MYO5B: variants seen among roughly 807,000 people sequenced by gnomAD.
The protein encoded by MYO5B is unconventional myosin-Vb.
A neutral mutation model predicts 229.3 loss-of-function variants in MYO5B; 143 were observed. The observed-to-expected ratio is 0.62, with a 90% CI of 0.54 to 0.72. MYO5B has a LOEUF of 0.72. Ranked by LOEUF, MYO5B falls within the 30% of genes least tolerant of loss-of-function variation. The pLI is 0.00. For synonymous variants in MYO5B, 918 were observed against 885.2 expected (o/e 1.04, Z -0.66); for missense variants, 2,321 against 2,331.0 (o/e 1.00, Z 0.09).
At chr18:49,916,815 C>A (rs4939916) in intron 17 of MYO5B, among the ~76,000 whole-genome samples, 53,980 of 152,104 alleles carry the variant, frequency 0.35, 11,650 homozygotes, top group Middle Eastern at 0.54. Flanking sequence ...ATTCTCCTTT[C>A]GGTGGATTTC....
At chr18:49,995,918 A>C (rs1000188267) in intron 5 of MYO5B, among the ~76,000 whole-genome samples, 3 of 152,232 alleles carry the variant, frequency 2.0e-5, no homozygotes, top group Non-Finnish European at 4.4e-5. Context: ...GCAGCCTCTA[A>C]ATTTTACTAT....
At chr18:50,050,695 G>A (rs2030367866) in intron 2 of MYO5B, among the ~76,000 whole-genome samples, 1 of 152,166 alleles carries the variant, frequency 6.6e-6, no homozygotes, top group Non-Finnish European at 1.5e-5. Context: ...ACCTTGTCCT[G>A]TGATTCTGAA....
intron 1 of MYO5B, among the ~76,000 whole-genome samples, chr18:50,079,401 T>A (rs1331449532): frequency 1.3e-5 from 2 of 152,128 alleles, no homozygotes; most frequent in African/African-American, 4.8e-5. Flanking sequence ...TCTCCAGGTA[T>A]CAGAAGATGG....
At chr18:50,144,328 C>T (rs1389731302) in intron 1 of MYO5B, among the ~76,000 whole-genome samples, 2 of 152,210 alleles carry the variant, frequency 1.3e-5, no homozygotes, top group Non-Finnish European at 2.9e-5. Flanking sequence ...CAACTCAAGA[C>T]TGCCTTGTAT....
At chr18:50,047,070 A>G (rs905109949) in intron 2 of MYO5B, among the ~76,000 whole-genome samples, 1 of 152,214 alleles carries the variant, frequency 6.6e-6, no homozygotes, top group Non-Finnish European at 1.5e-5. Flanking sequence ...AATGGCAACA[A>G]AAGCCAAAAT....
chr18:50,082,171 G>GA (rs2144471891), intron 1 of MYO5B, among the ~76,000 whole-genome samples: 1 of 152,320 alleles, frequency 6.6e-6, no homozygotes, highest in South Asian at 2.1e-4. Flanking sequence ...AGGGCTGGAG[G>GA]AGAGTTGGAG....
chr18:50,132,376 T>C (rs963144413), intron 1 of MYO5B, among the ~76,000 whole-genome samples: 3 of 152,206 alleles, frequency 2.0e-5, no homozygotes, highest in Non-Finnish European at 4.4e-5. Context: ...TTATGTAAAG[T>C]TGAGGTAGTA....
At chr18:49,900,908 C>G (rs2024833489) in intron 21 of MYO5B, among the ~76,000 whole-genome samples, 1 of 152,186 alleles carries the variant, frequency 6.6e-6, no homozygotes, top group Non-Finnish European at 1.5e-5. Flanking sequence ...GGTTAAAAAA[C>G]CCGCAATGCC....
intron 1 of MYO5B, among the ~76,000 whole-genome samples, chr18:50,130,317 T>C (rs79698904): frequency 0.026 from 3,995 of 152,308 alleles, 70 homozygotes; most frequent in South Asian, 0.055. Flanking sequence ...CATCAGGACT[T>C]ATAATTAAGT....
At chr18:50,095,511 T>C (rs2031533562) in intron 1 of MYO5B, among the ~76,000 whole-genome samples, 1 of 152,232 alleles carries the variant, frequency 6.6e-6, no homozygotes. Context: ...GGGTTCAGAA[T>C]GAGAGTGGTT....
intron 1 of MYO5B, among the ~76,000 whole-genome samples, chr18:50,055,912 ATCTG>A (rs2030538348): frequency 6.6e-6 from 1 of 152,178 alleles, no homozygotes; most frequent in Admixed American, 6.5e-5. Flanking sequence ...ACTTGAATTT[ATCTG>A]TCCACTCTTT....
At chr18:50,158,800 C>A (rs2032720751) in intron 1 of MYO5B, among the ~76,000 whole-genome samples, 2 of 152,176 alleles carry the variant, frequency 1.3e-5, no homozygotes, top group Non-Finnish European at 2.9e-5. Flanking sequence ...TTCTCTGAGG[C>A]AGGAGCTACA....
intron 39 of MYO5B, among the ~76,000 whole-genome samples, chr18:49,833,490 TGAGG>T (rs150369539): frequency 0.13 from 19,123 of 152,186 alleles, 1,447 homozygotes; most frequent in East Asian, 0.27. Context: ...AATTGATTAC[TGAGG>T]AAGATTCAGA....
At chr18:50,146,521 A>G (rs2032505408) in intron 1 of MYO5B, among the ~76,000 whole-genome samples, 1 of 152,166 alleles carries the variant, frequency 6.6e-6, no homozygotes, top group Admixed American at 6.5e-5. Flanking sequence ...GCAGGTAGGA[A>G]AGGCTGGGGA....
At chr18:50,006,870 T>C (rs1302981290) in intron 4 of MYO5B, among the ~76,000 whole-genome samples, 1 of 152,184 alleles carries the variant, frequency 6.6e-6, no homozygotes, top group Non-Finnish European at 1.5e-5. Flanking sequence ...TGTTATCTTG[T>C]TTGGGTTTCC....
chr18:49,947,522 G>T (rs941646421), intron 14 of MYO5B, among the ~76,000 whole-genome samples: 1 of 152,102 alleles, frequency 6.6e-6, no homozygotes, highest in African/African-American at 2.4e-5. Context: ...CATACATGGG[G>T]TACCTAGTTT....
intron 30 of MYO5B, 128 bp from the exon 31 acceptor site, chr18:49,853,775 G>C: frequency 1.2e-6 from 1 of 829,446 alleles, no homozygotes; most frequent in African/African-American, 1.7e-5. Flanking sequence ...CCCCCAGAGG[G>C]ATGAATGCAG....
At chr18:50,031,335 T>C (rs1481084880) in intron 4 of MYO5B, among the ~76,000 whole-genome samples, 1 of 152,178 alleles carries the variant, frequency 6.6e-6, no homozygotes, top group Non-Finnish European at 1.5e-5. Flanking sequence ...GGCTTGGGTC[T>C]GAACTCCATC....
At chr18:50,109,670 C>G (rs938803877) in intron 1 of MYO5B, among the ~76,000 whole-genome samples, 1 of 152,160 alleles carries the variant, frequency 6.6e-6, no homozygotes. Flanking sequence ...TTGTGATCCA[C>G]CTGCCTCAGC....
Sources: allele counts gnomAD v4.1 joint callset (sites outside exome capture counted in the v4.1 genomes callset), GRCh38; gene constraint gnomAD v4.1.1; transcripts MANE v1.5; gene names NCBI Gene and HGNC (gene_info 2026-07-23, HGNC 2026-07-21).